The following PRKG1 variants were observed in gnomAD, a reference collection of about 807,000 sequenced individuals.
PRKG1 encodes the protein protein kinase cGMP-dependent 1.
In PRKG1, 35 loss-of-function variants were observed where a neutral mutation model predicts 88.1. The ratio of observed to expected loss-of-function variants is 0.40; its 90% CI spans 0.30 to 0.53. The LOEUF is 0.53. Among genes scored for constraint, PRKG1 ranks in the 20% least tolerant of loss-of-function variants. The pLI is 0.59. For synonymous variants in PRKG1, 303 were observed against 292.5 expected (o/e 1.04, Z -0.37); for missense variants, 540 against 839.8 (o/e 0.64, Z 4.41).
chr10:51,043,642 G>A (rs1843453007), intron 1 of PRKG1, among the ~76,000 whole-genome samples: 1 of 152,150 alleles, frequency 6.6e-6, no homozygotes, highest in Non-Finnish European at 1.5e-5. Context: ...ATTATATTGT[G>A]ATTATAATGA....
At chr10:51,914,584 A>G (rs1842296906) in intron 5 of PRKG1, among the ~76,000 whole-genome samples, 1 of 152,242 alleles carries the variant, frequency 6.6e-6, no homozygotes, top group Admixed American at 6.5e-5. Flanking sequence ...AGCATATCAG[A>G]ACCACTTCTT....
chr10:51,540,283 A>T (rs951292888), intron 3 of PRKG1, among the ~76,000 whole-genome samples: 42 of 152,330 alleles, frequency 2.8e-4, no homozygotes, highest in African/African-American at 9.1e-4. Flanking sequence ...TCTGAGCAGG[A>T]ATATATTCTG....
intron 5 of PRKG1, among the ~76,000 whole-genome samples, chr10:52,026,028 T>C (rs1206669740): frequency 6.6e-6 from 1 of 151,742 alleles, no homozygotes; most frequent in African/African-American, 2.4e-5. Context: ...TCTACAACCA[T>C]CTGATCTGTG....
At position 51,666,267 on chromosome 10, in the gene PRKG1, T is replaced by A. The variant is rs374891359; in HGVS notation, c.593-138318T>A. On this transcript the variant is annotated intron_variant, in intron 3 of 17. Transcript: ENST00000373980. ...AATGTAGATGTCAATAGAAATCAAG[T>A]ATATCTTTGGCTGCCTCTCCAACCA... 2.2e-4 allele frequency among the ~76,000 whole-genome samples: 33 copies of A among 152,310 alleles called. No homozygotes were observed. In the East Asian group the frequency reaches 5.8e-3, roughly 27 times the overall value.
At chr10:51,770,286 G>T (rs1354342933) in intron 3 of PRKG1, among the ~76,000 whole-genome samples, 1 of 152,314 alleles carries the variant, frequency 6.6e-6, no homozygotes, top group East Asian at 1.9e-4. Flanking sequence ...GAGTTATGCA[G>T]CATAGAGGGA....
chr10:51,864,524 C>G (rs754793220), intron 4 of PRKG1, among the ~76,000 whole-genome samples: 2 of 152,164 alleles, frequency 1.3e-5, no homozygotes, highest in Non-Finnish European at 2.9e-5. Flanking sequence ...TCTCAAATCC[C>G]TTTCAGAACA....
intron 3 of PRKG1, among the ~76,000 whole-genome samples, chr10:51,726,068 C>T (rs1270240412): frequency 6.6e-6 from 1 of 152,202 alleles, no homozygotes; most frequent in Admixed American, 6.5e-5. Flanking sequence ...TATAGTTGAT[C>T]ATGAAAGTTG....
chr10:51,542,597 A>G (rs1842334153), intron 3 of PRKG1, among the ~76,000 whole-genome samples: 2 of 152,328 alleles, frequency 1.3e-5, no homozygotes, highest in South Asian at 4.2e-4. Flanking sequence ...GCCAGTGCCA[A>G]TGCTCAACTG....
At chr10:51,387,441 G>A (rs541082642) in intron 2 of PRKG1, among the ~76,000 whole-genome samples, 1 of 151,796 alleles carries the variant, frequency 6.6e-6, no homozygotes, top group South Asian at 2.1e-4. Context: ...TACAAATTAT[G>A]TAGCCAGTCA....
chr10:51,494,037 A>G (rs2132876921), intron 3 of PRKG1, among the ~76,000 whole-genome samples: 1 of 152,176 alleles, frequency 6.6e-6, no homozygotes, highest in East Asian at 1.9e-4. Flanking sequence ...GTGCTTATAT[A>G]TTGATTGATT....
chr10:51,841,052 T>C (rs1279880004), intron 4 of PRKG1, among the ~76,000 whole-genome samples: 1 of 152,226 alleles, frequency 6.6e-6, no homozygotes, highest in Non-Finnish European at 1.5e-5. Context: ...TTTCTTGTCA[T>C]ATAGCCATTT....
chr10:51,689,934 C>A (rs2132388407), intron 3 of PRKG1, among the ~76,000 whole-genome samples: 1 of 152,298 alleles, frequency 6.6e-6, no homozygotes, highest in East Asian at 1.9e-4. Context: ...TGTATTAGTT[C>A]ATTCTTGCAT....
intron 2 of PRKG1, among the ~76,000 whole-genome samples, chr10:51,199,308 A>T (rs1564635502): frequency 1.3e-5 from 2 of 152,206 alleles, no homozygotes; most frequent in East Asian, 3.9e-4. Context: ...GTCAAATATA[A>T]CCATGTGTTC....
At chr10:51,095,110 A>G (rs1844496514) in intron 1 of PRKG1, among the ~76,000 whole-genome samples, 1 of 152,158 alleles carries the variant, frequency 6.6e-6, no homozygotes, top group Non-Finnish European at 1.5e-5. Flanking sequence ...TCATTATACA[A>G]TTAATGACAA....
intron 3 of PRKG1, among the ~76,000 whole-genome samples, chr10:51,488,693 T>C (rs1035158925): frequency 6.6e-6 from 1 of 152,108 alleles, no homozygotes; most frequent in Non-Finnish European, 1.5e-5. Flanking sequence ...GCATTAAAAA[T>C]TTAAACACAC....
intron 9 of PRKG1, among the ~76,000 whole-genome samples, chr10:52,220,113 C>G (rs149403522): frequency 3.9e-5 from 6 of 152,246 alleles, no homozygotes; most frequent in African/African-American, 1.2e-4. Context: ...TCTTCAGGGT[C>G]TCCTAGAGTG....
intron 1 of PRKG1, among the ~76,000 whole-genome samples, chr10:51,083,099 C>T (rs1844154971): frequency 1.3e-5 from 2 of 152,168 alleles, no homozygotes; most frequent in Non-Finnish European, 2.9e-5. Flanking sequence ...ACCCAAGTCC[C>T]TGGCTTGCAG....
At chr10:51,589,467 T>C (rs1838254011) in intron 3 of PRKG1, among the ~76,000 whole-genome samples, 1 of 152,004 alleles carries the variant, frequency 6.6e-6, no homozygotes, top group East Asian at 1.9e-4. Flanking sequence ...CTACTAAAAA[T>C]ACAAAAATTA....
At chr10:52,058,975 C>A (rs897424008) in intron 6 of PRKG1, among the ~76,000 whole-genome samples, 2 of 151,542 alleles carry the variant, frequency 1.3e-5, no homozygotes, top group Non-Finnish European at 3.0e-5. Context: ...CAACAAAAAA[C>A]ACCAAAGTAC....
Sources: allele counts gnomAD v4.1 joint callset (sites outside exome capture counted in the v4.1 genomes callset), GRCh38; gene constraint gnomAD v4.1.1; transcripts MANE v1.5; gene names NCBI Gene and HGNC (gene_info 2026-07-23, HGNC 2026-07-21).